Variants in FYB2 observed in about 807,000 individuals in gnomAD.
FYB2 encodes the protein FYN-binding protein 2.
A neutral mutation model predicts 94.1 loss-of-function variants in FYB2; 103 were observed. That is an observed-to-expected ratio of 1.09 (90% CI 0.93 to 1.29). The LOEUF is 1.29. Ranked by LOEUF, FYB2 falls within the 50% of genes most tolerant of loss-of-function variation. FYB2 has a pLI of 0.00. For synonymous variants in FYB2, 293 were observed against 287.9 expected, an observed-to-expected ratio of 1.02 and a Z score of -0.18; for missense variants, 896 against 841.5, an observed-to-expected ratio of 1.06 and a Z score of -0.80.
At chr1:56,734,631 G>A (rs1394432102) in intron 15 of FYB2, among the ~76,000 whole-genome samples, 1 of 151,732 alleles carries the variant, frequency 6.6e-6, no homozygotes, top group African/African-American at 2.4e-5. Context: ...CTTGGACACA[G>A]GGTGGGGAAC....
At chr1:56,770,839 T>A (rs1050636134) in intron 4 of FYB2, among the ~76,000 whole-genome samples, 2 of 152,164 alleles carry the variant, frequency 1.3e-5, no homozygotes, top group African/African-American at 2.4e-5. Context: ...ATTCCAGTCA[T>A]CACTGAAGAG....
chr1:56,777,285 G>A (rs1645902658), intron 4 of FYB2, among the ~76,000 whole-genome samples: 4 of 142,218 alleles, frequency 2.8e-5, no homozygotes, highest in Non-Finnish European at 3.1e-5. Flanking sequence ...GAAAATAGAA[G>A]GCCCAGAGAT....
At chr1:56,766,329 T>C (rs1645622067) in intron 5 of FYB2, among the ~76,000 whole-genome samples, 1 of 152,226 alleles carries the variant, frequency 6.6e-6, no homozygotes, top group African/African-American at 2.4e-5. Context: ...GGTCAAGAGT[T>C]GCTCTTCCTA....
chr1:56,815,799 T>C (rs1646870006), intron 1 of FYB2, among the ~76,000 whole-genome samples: 1 of 152,162 alleles, frequency 6.6e-6, no homozygotes, highest in African/African-American at 2.4e-5. Flanking sequence ...TGCTCATTCA[T>C]CAAAAATTCA....
intron 7 of FYB2, among the ~76,000 whole-genome samples, chr1:56,755,122 C>T (rs1247239853): frequency 6.6e-6 from 1 of 152,098 alleles, no homozygotes. Context: ...GAAACAGACT[C>T]TGAAGAGGCA....
rs1167770802 is a variant in FYB2, at chr1:56,737,112, C to T, written c.1768G>A (p.Val590Ile). Reference protein sequence around the residue: ...KSQEVIIYDDVDLSEKESKDE... With the variant: ...KSQEVIIYDDIDLSEKESKDE... ...TTTGACTCTTTTTCACTCAGGTCTA[C>T]ATCATCATAAATAATAACTTCCTGA... The change falls in exon 15 of 20, where the codon GTA (valine) becomes ATA (isoleucine). Residue 590 changes from valine to isoleucine, a missense_variant. Physicochemically the swap from Val to Ile is conservative, Grantham distance 29. Transcript: ENST00000343433. 1.9e-6 allele frequency: 3 copies of T among 1,606,632 alleles called. No homozygotes were observed. In the South Asian group the frequency reaches 3.3e-5, roughly 18 times the overall value.
At chr1:56,778,546 C>T (rs980375892) in intron 4 of FYB2, among the ~76,000 whole-genome samples, 13 of 152,124 alleles carry the variant, frequency 8.5e-5, no homozygotes, top group Non-Finnish European at 1.9e-4. Context: ...TGTCATTGAG[C>T]TCCCCCTCTC....
At chr1:56,801,988 A>G (rs538219764) in intron 1 of FYB2, among the ~76,000 whole-genome samples, 2 of 152,174 alleles carry the variant, frequency 1.3e-5, no homozygotes, top group Non-Finnish European at 2.9e-5. Context: ...GGAATTGTCT[A>G]TTAGAGTGGG....
intron 9 of FYB2, among the ~76,000 whole-genome samples, chr1:56,744,811 G>A (rs746660272): frequency 6.6e-6 from 1 of 152,072 alleles, no homozygotes. Flanking sequence ...GTAGATGCTG[G>A]CTTACTTCAC....
chr1:56,722,641 AAGAT>A (rs1338026393), intron 17 of FYB2, among the ~76,000 whole-genome samples: 2 of 152,166 alleles, frequency 1.3e-5, no homozygotes, highest in South Asian at 4.2e-4. Context: ...TAGCAAGACA[AAGAT>A]AGAGGTGGAG....
chr1:56,735,820 A>C (rs1644818655), intron 15 of FYB2, among the ~76,000 whole-genome samples: 1 of 152,132 alleles, frequency 6.6e-6, no homozygotes, highest in Admixed American at 6.5e-5. Context: ...CGAGTCAATT[A>C]AGCTTCTTTC....
chr1:56,822,405 C>G (rs1235406434), upstream of FYB2, among the ~76,000 whole-genome samples: 1 of 152,202 alleles, frequency 6.6e-6, no homozygotes, highest in East Asian at 1.9e-4. Context: ...CAATTTTGAA[C>G]GTAGTCTGTG....
chr1:56,752,758 C>G (rs535167134), intron 8 of FYB2, among the ~76,000 whole-genome samples: 1 of 152,174 alleles, frequency 6.6e-6, no homozygotes, highest in South Asian at 2.1e-4. Context: ...AAGGAAGTGA[C>G]TCTTCGTTAG....
intron 4 of FYB2, among the ~76,000 whole-genome samples, chr1:56,784,741 G>T (rs1053860823): frequency 8.6e-5 from 13 of 151,860 alleles, no homozygotes. Flanking sequence ...AAATCCATTG[G>T]TCTGTCTATC....
chr1:56,798,446 G>A (rs966116352), intron 1 of FYB2, among the ~76,000 whole-genome samples: 4 of 152,196 alleles, frequency 2.6e-5, no homozygotes, highest in Admixed American at 2.6e-4. Flanking sequence ...ATTAAGCAAG[G>A]AGGAAGCAGC....
intron 17 of FYB2, among the ~76,000 whole-genome samples, chr1:56,722,105 G>T (rs1644497438): frequency 6.6e-6 from 1 of 152,060 alleles, no homozygotes; most frequent in African/African-American, 2.4e-5. Flanking sequence ...GAATATAAGG[G>T]TCTTTTCAAC....
intron 1 of FYB2, among the ~76,000 whole-genome samples, chr1:56,801,488 CA>C (rs1557663673): frequency 6.6e-6 from 1 of 152,168 alleles, no homozygotes; most frequent in Non-Finnish European, 1.5e-5. Flanking sequence ...CAAATCCATG[CA>C]GGTAATCCTT....
chr1:56,818,533 G>A (rs1309838754), intron 1 of FYB2, among the ~76,000 whole-genome samples: 1 of 150,794 alleles, frequency 6.6e-6, no homozygotes, highest in Non-Finnish European at 1.5e-5. Flanking sequence ...CTGACTTACT[G>A]AAGACGGAAA....
chr1:56,741,376 T>C (rs1644948974), intron 12 of FYB2, among the ~76,000 whole-genome samples: 1 of 152,104 alleles, frequency 6.6e-6, no homozygotes, highest in Admixed American at 6.6e-5. Context: ...CAAACTGTGC[T>C]AGAAATACGT....
Sources: gnomAD v4.1 joint callset for allele counts (sites outside exome capture counted in the v4.1 genomes callset) on GRCh38, gnomAD v4.1.1 for gene constraint, MANE v1.5 for transcripts, NCBI Gene and HGNC (gene_info 2026-07-23, HGNC 2026-07-21) for gene names.